PPP3CA: variants seen among roughly 807,000 people sequenced by gnomAD.
The protein encoded by PPP3CA is protein phosphatase 3 catalytic subunit alpha.
PPP3CA carries 14 observed loss-of-function variants against 66.5 expected under a neutral mutation model. The ratio of observed to expected loss-of-function variants is 0.21; its 90% CI spans 0.14 to 0.33. PPP3CA has a LOEUF of 0.33. Among genes scored for constraint, PPP3CA ranks in the 10% least tolerant of loss-of-function variants. PPP3CA has a pLI of 1.00. For missense variants in PPP3CA, 317 were observed against 639.5 expected (o/e 0.50, Z 5.44); for synonymous variants, 232 against 226.2 (o/e 1.03, Z -0.23).
At chr4:101,136,367 C>T (rs754530759) in intron 2 of PPP3CA, among the ~76,000 whole-genome samples, 52 of 152,004 alleles carry the variant, frequency 3.4e-4, no homozygotes, top group Admixed American at 9.2e-4. Flanking sequence ...ATAATGAAAC[C>T]CCGTCTCTAC....
At chr4:101,215,192 T>C (rs1725418148) in intron 1 of PPP3CA, among the ~76,000 whole-genome samples, 1 of 151,924 alleles carries the variant, frequency 6.6e-6, no homozygotes, top group South Asian at 2.1e-4. Flanking sequence ...CAGTGTTATA[T>C]ATTACATTTA....
At chr4:101,075,694 A>G (rs1729156304) in intron 8 of PPP3CA, among the ~76,000 whole-genome samples, 1 of 152,178 alleles carries the variant, frequency 6.6e-6, no homozygotes, top group South Asian at 2.1e-4. Flanking sequence ...GCCAATGTTC[A>G]CATCTGCCAC....
chr4:101,273,638 A>G (rs186637381), intron 1 of PPP3CA, among the ~76,000 whole-genome samples: 123 of 152,272 alleles, frequency 8.1e-4, no homozygotes, highest in African/African-American at 2.7e-3. Context: ...AAAATTACAT[A>G]TTTTATGATG....
At position 101,269,553 on chromosome 4, in the gene PPP3CA, C is replaced by CGTGTGTGTGTGT. The variant is rs55721209; in HGVS notation, c.59-73449_59-73438dup. Among the ~76,000 whole-genome samples, 163 of 135,972 alleles carry CGTGTGTGTGTGT rather than the reference C, an allele frequency of 1.2e-3. 1 individual carries two copies. Among genetic ancestry groups the CGTGTGTGTGTGT allele is most frequent in the Middle Eastern group, 3.9e-3 (1 of 258 alleles). 89.2% of individuals were successfully genotyped at this position (135,972 alleles called of 152,430 possible). ...ACATAAGCTCCATACAAACAAGGAA[C>CGTGTGTGTGTGT]GTGTGTGTGTGTGTGTGTGTGTGTG... On this transcript the variant is annotated intron_variant, in intron 1 of 13. Transcript: ENST00000394854.
chr4:101,070,567 T>G (rs1728874346), intron 8 of PPP3CA, among the ~76,000 whole-genome samples: 1 of 152,222 alleles, frequency 6.6e-6, no homozygotes, highest in Non-Finnish European at 1.5e-5. Flanking sequence ...ATCTGCCCTC[T>G]CACTTTTAAA....
intron 1 of PPP3CA, among the ~76,000 whole-genome samples, chr4:101,249,719 T>C (rs1233357063): frequency 6.6e-6 from 1 of 152,224 alleles, no homozygotes; most frequent in African/African-American, 2.4e-5. Context: ...CTTTGCTTTA[T>C]TCTTAATATA....
chr4:101,202,524 AACATG>A (rs1351495014), intron 1 of PPP3CA, among the ~76,000 whole-genome samples: 6 of 152,220 alleles, frequency 3.9e-5, no homozygotes, highest in Non-Finnish European at 8.8e-5. Context: ...AGATACACAA[AACATG>A]CTGTCTGGGA....
intron 1 of PPP3CA, among the ~76,000 whole-genome samples, chr4:101,220,838 T>C (rs1217399214): frequency 2.0e-5 from 3 of 151,684 alleles, no homozygotes. Context: ...GTTTGCATTA[T>C]AAAAATTTAA....
intron 1 of PPP3CA, among the ~76,000 whole-genome samples, chr4:101,234,506 T>C (rs1016793362): frequency 6.6e-6 from 1 of 151,874 alleles, no homozygotes; most frequent in Admixed American, 6.6e-5. Context: ...CTTTTTTTCA[T>C]ATGCTTGTTG....
At chr4:101,216,243 A>T (rs1725449710) in intron 1 of PPP3CA, among the ~76,000 whole-genome samples, 1 of 152,164 alleles carries the variant, frequency 6.6e-6, no homozygotes, top group Admixed American at 6.6e-5. Context: ...CTGTAAGGGA[A>T]AATAGTAACA....
At chr4:101,169,231 A>G (rs1198556548) in intron 2 of PPP3CA, among the ~76,000 whole-genome samples, 2 of 152,216 alleles carry the variant, frequency 1.3e-5, no homozygotes, top group East Asian at 3.8e-4. Context: ...TAGGAAAGTG[A>G]ATATATTACC....
rs992774542 is a variant in PPP3CA, at chr4:101,145,068, G to A, written c.260-35990C>T. On this transcript the variant is annotated intron_variant, in intron 2 of 13. Transcript: ENST00000394854. ...GCATTAAATAAAAAAATACTAGATT[G>A]ACACAATAACCTGCTTTCATTTCTC... Among the ~76,000 whole-genome samples the A allele has an allele frequency of 2.0e-5, 3 of 152,068 alleles. No individual in the cohort carries two copies. In the East Asian group the frequency reaches 5.8e-4, roughly 29 times the overall value.
chr4:101,305,154 G>A (rs1431549433), intron 1 of PPP3CA, among the ~76,000 whole-genome samples: 1 of 152,186 alleles, frequency 6.6e-6, no homozygotes, highest in African/African-American at 2.4e-5. Flanking sequence ...CTGCTTATCT[G>A]AAATCAGAGC....
chr4:101,326,054 T>C (rs577836739), intron 1 of PPP3CA, among the ~76,000 whole-genome samples: 45 of 152,122 alleles, frequency 3.0e-4, no homozygotes, highest in African/African-American at 1.1e-3. Context: ...CAGAATTACT[T>C]GAACCGAGGA....
intron 1 of PPP3CA, among the ~76,000 whole-genome samples, chr4:101,316,313 C>A (rs972611300): frequency 1.3e-5 from 2 of 151,276 alleles, no homozygotes; most frequent in African/African-American, 4.9e-5. Context: ...TCAAGCAAAT[C>A]AAAGATAATT....
chr4:101,314,458 G>A (rs561501568), intron 1 of PPP3CA, among the ~76,000 whole-genome samples: 54 of 151,518 alleles, frequency 3.6e-4, no homozygotes, highest in Non-Finnish European at 6.6e-4. Context: ...CAGCTACTCC[G>A]GAGGCTGAGG....
intron 3 of PPP3CA, among the ~76,000 whole-genome samples, chr4:101,104,119 G>A (rs1222668317): frequency 1.3e-5 from 2 of 152,134 alleles, no homozygotes; most frequent in Non-Finnish European, 1.5e-5. Flanking sequence ...AGCAGAGACT[G>A]TTTGAAATCT....
intron 1 of PPP3CA, among the ~76,000 whole-genome samples, chr4:101,217,656 C>T (rs1333474621): frequency 1.3e-5 from 2 of 152,092 alleles, no homozygotes; most frequent in Non-Finnish European, 2.9e-5. Flanking sequence ...AATCGCTTTG[C>T]GTTTTCAAAA....
chr4:101,337,149 A>T (rs1729658186), intron 1 of PPP3CA, among the ~76,000 whole-genome samples: 1 of 152,234 alleles, frequency 6.6e-6, no homozygotes, highest in Non-Finnish European at 1.5e-5. Flanking sequence ...TCCATTCAGA[A>T]GATTCCCATA....
Sources: allele counts gnomAD v4.1 joint callset (sites outside exome capture counted in the v4.1 genomes callset), GRCh38; gene constraint gnomAD v4.1.1; transcripts MANE v1.5; gene names NCBI Gene and HGNC (gene_info 2026-07-23, HGNC 2026-07-21).